RYR2: variants seen among roughly 807,000 people sequenced by gnomAD.
The protein encoded by RYR2 is ryanodine receptor 2.
RYR2 carries 227 observed loss-of-function variants against 601.1 expected under a neutral mutation model. The observed-to-expected ratio is 0.38, with a 90% CI of 0.34 to 0.42. The LOEUF is 0.42. RYR2 is among the 10% of genes least tolerant of loss of function. The probability of loss-of-function intolerance (pLI) is 1.00; values close to 1 mark genes in which losing one functional copy is unlikely to be tolerated. For missense variants in RYR2, 4,646 were observed against 6,156.5 expected (o/e 0.75, Z 8.21); for synonymous variants, 2,223 against 2,175.1 (o/e 1.02, Z -0.61).
At chr1:237,317,721 C>T (rs980762354) in intron 2 of RYR2, among the ~76,000 whole-genome samples, 6 of 151,920 alleles carry the variant, frequency 3.9e-5, no homozygotes, top group African/African-American at 1.2e-4. Context: ...CCTAATTTCA[C>T]TTTCAATAAT....
intron 29 of RYR2, among the ~76,000 whole-genome samples, chr1:237,578,791 G>C (rs558140742): frequency 6.6e-6 from 1 of 151,072 alleles, no homozygotes; most frequent in Non-Finnish European, 1.5e-5. Context: ...TGGTGGGAGT[G>C]GGGGCATGTA....
intron 17 of RYR2, among the ~76,000 whole-genome samples, chr1:237,476,102 TC>T (rs1372597314): frequency 2.0e-5 from 3 of 152,218 alleles, no homozygotes; most frequent in African/African-American, 7.2e-5. Context: ...TGTAGTCTGT[TC>T]CCTGCACAGT....
intron 6 of RYR2, among the ~76,000 whole-genome samples, chr1:237,369,893 GAT>G (rs1370753579): frequency 1.3e-5 from 2 of 152,062 alleles, no homozygotes; most frequent in Admixed American, 6.5e-5. Flanking sequence ...TCAAATAAGA[GAT>G]ATTTTCTTTT....
intron 1 of RYR2, among the ~76,000 whole-genome samples, chr1:237,159,158 G>A (rs539528878): frequency 2.4e-4 from 36 of 152,244 alleles, no homozygotes; most frequent in Middle Eastern, 3.4e-3. Context: ...GCGCGTGGTG[G>A]TGCATGCCTG....
At chr1:237,804,281 T>C (rs770202676) in intron 98 of RYR2, among the ~76,000 whole-genome samples, 5 of 119,168 alleles carry the variant, frequency 4.2e-5, no homozygotes, top group Non-Finnish European at 9.2e-5. Context: ...AAACCAAATT[T>C]TCCTTCCCAA....
intron 84 of RYR2, among the ~76,000 whole-genome samples, chr1:237,765,578 A>G (rs555282746): frequency 6.6e-6 from 1 of 152,316 alleles, no homozygotes; most frequent in South Asian, 2.1e-4. Context: ...GATTGAATTG[A>G]TCTTTAAGTA....
At chr1:237,557,280 C>G (rs1450601784) in intron 27 of RYR2, among the ~76,000 whole-genome samples, 1 of 152,166 alleles carries the variant, frequency 6.6e-6, no homozygotes, top group Non-Finnish European at 1.5e-5. Context: ...ACAATTACTT[C>G]TATTATATTC....
intron 17 of RYR2, among the ~76,000 whole-genome samples, chr1:237,479,378 T>A (rs1166030891): frequency 1.3e-5 from 2 of 152,226 alleles, no homozygotes; most frequent in Non-Finnish European, 2.9e-5. Flanking sequence ...CTACAACAAC[T>A]AGACTATTCT....
intron 24 of RYR2, among the ~76,000 whole-genome samples, chr1:237,521,574 G>A (rs571205098): frequency 1.6e-4 from 25 of 151,930 alleles, no homozygotes; most frequent in African/African-American, 5.6e-4. Context: ...ATAAAAATTA[G>A]CCAAGCGTCA....
chr1:237,248,267 ACCCCCCGCAACCCCGCCCCCC>A (rs1687074179), intron 1 of RYR2, among the ~76,000 whole-genome samples: 5 of 57,354 alleles, frequency 8.7e-5, no homozygotes, highest in Non-Finnish European at 1.3e-4. Context: ...GCAAGACTCC[ACCCCCCGCAACCCCGCCCCCC>A]CCCCCCCCCC....
At chr1:237,350,610 T>A (rs1415470476) in intron 3 of RYR2, among the ~76,000 whole-genome samples, 12 of 91,184 alleles carry the variant, frequency 1.3e-4, no homozygotes, top group East Asian at 6.7e-4. Flanking sequence ...AAAATATATA[T>A]ATATATATAT....
intron 40 of RYR2, among the ~76,000 whole-genome samples, chr1:237,627,489 A>G (rs929946547): frequency 6.6e-6 from 1 of 152,236 alleles, no homozygotes; most frequent in African/African-American, 2.4e-5. Context: ...GACACCTTAT[A>G]TTAATTGCCA....
intron 14 of RYR2, 91 bp downstream of exon 14, chr1:237,445,613 A>C (rs1276785169): frequency 2.7e-6 from 4 of 1,486,842 alleles, no homozygotes; most frequent in Admixed American, 3.6e-5. Flanking sequence ...GTATGCTATG[A>C]TGGTAATAAA....
intron 25 of RYR2, among the ~76,000 whole-genome samples, chr1:237,541,028 G>GCA (rs1343022779): frequency 1.3e-5 from 2 of 152,016 alleles, no homozygotes; most frequent in Non-Finnish European, 2.9e-5. Context: ...ATAGACACAA[G>GCA]CACATGTACA....
intron 1 of RYR2, among the ~76,000 whole-genome samples, chr1:237,152,376 G>A (rs938445292): frequency 2.0e-5 from 3 of 152,102 alleles, no homozygotes; most frequent in Admixed American, 6.6e-5. Context: ...CCCAGTAATG[G>A]GATGGCTGGG....
chr1:237,051,612 C>T (rs184486319), intron 1 of RYR2, among the ~76,000 whole-genome samples: 5 of 152,120 alleles, frequency 3.3e-5, no homozygotes, highest in East Asian at 3.9e-4. Flanking sequence ...TTTTTTACGC[C>T]GTGGCCTACC....
intron 70 of RYR2, 69 bp from the exon 71 acceptor site, chr1:237,711,676 C>G: frequency 1.3e-6 from 1 of 743,526 alleles, no homozygotes; most frequent in Non-Finnish European, 2.3e-6. Flanking sequence ...CTTGCAGGTT[C>G]TGTGTAACCT....
At chr1:237,394,139 T>G (rs1013470259) in intron 10 of RYR2, among the ~76,000 whole-genome samples, 5 of 152,216 alleles carry the variant, frequency 3.3e-5, no homozygotes, top group Non-Finnish European at 5.9e-5. Context: ...GTAAGCAATA[T>G]CTTTCAGAAG....
chr1:237,527,659 C>T (rs896441472), intron 24 of RYR2, among the ~76,000 whole-genome samples: 1 of 152,124 alleles, frequency 6.6e-6, no homozygotes, highest in Admixed American at 6.5e-5. Context: ...ATGTCTTCAT[C>T]TTTGAAATGT....
Sources: allele counts gnomAD v4.1 joint callset (sites outside exome capture counted in the v4.1 genomes callset), GRCh38; gene constraint gnomAD v4.1.1; transcripts MANE v1.5; gene names NCBI Gene and HGNC (gene_info 2026-07-23, HGNC 2026-07-21).